The following SLC25A13 variants were observed in gnomAD, a reference collection of about 807,000 sequenced individuals.
The protein encoded by SLC25A13 is electrogenic aspartate/glutamate antiporter SLC25A13, mitochondrial.
A neutral mutation model predicts 85.5 loss-of-function variants in SLC25A13; 70 were observed. The ratio of observed to expected loss-of-function variants is 0.82; its 90% confidence interval spans 0.68 to 1.00. The LOEUF (loss-of-function observed/expected upper bound fraction) is 1.00. SLC25A13 is among the 50% of genes least tolerant of loss of function. The pLI is 0.00. For synonymous variants in SLC25A13, 259 were observed against 288.7 expected, an observed-to-expected ratio of 0.90 and a Z score of 1.04; for missense variants, 765 against 819.8, an observed-to-expected ratio of 0.93 and a Z score of 0.82.
chr7:96,148,532 C>T (rs1219802970), intron 13 of SLC25A13, among the ~76,000 whole-genome samples: 1 of 152,174 alleles, frequency 6.6e-6, no homozygotes, highest in Admixed American at 6.5e-5. Flanking sequence ...AGGATTTTCT[C>T]TGTGTTTCTG....
At chr7:96,315,384 AG>A (rs1481715751) in intron 1 of SLC25A13, among the ~76,000 whole-genome samples, 4 of 152,190 alleles carry the variant, frequency 2.6e-5, no homozygotes, top group Non-Finnish European at 4.4e-5. Flanking sequence ...TGATCTCTGG[AG>A]GGAGACCCAG....
chr7:96,206,580 G>A (rs1225506305), intron 5 of SLC25A13, among the ~76,000 whole-genome samples: 1 of 152,154 alleles, frequency 6.6e-6, no homozygotes, highest in Non-Finnish European at 1.5e-5. Context: ...TCTGGACTAG[G>A]ACACAAAAGC....
intron 6 of SLC25A13, among the ~76,000 whole-genome samples, chr7:96,192,677 G>A (rs990539105): frequency 3.6e-5 from 3 of 83,602 alleles, no homozygotes; most frequent in Non-Finnish European, 7.5e-5. Flanking sequence ...TGATATACAT[G>A]TGCACTATTT....
At chr7:96,123,478 T>C (rs1791598766) in intron 15 of SLC25A13, among the ~76,000 whole-genome samples, 1 of 152,176 alleles carries the variant, frequency 6.6e-6, no homozygotes, top group Admixed American at 6.5e-5. Flanking sequence ...AAGTTCCCTT[T>C]GGCTAGGGTA....
intron 13 of SLC25A13, among the ~76,000 whole-genome samples, chr7:96,163,845 C>T (rs1205246450): frequency 6.6e-6 from 1 of 152,228 alleles, no homozygotes; most frequent in East Asian, 1.9e-4. Flanking sequence ...TATTCCATTC[C>T]CCTTCACCCA....
chr7:96,138,464 T>C (rs1430945192), intron 14 of SLC25A13, among the ~76,000 whole-genome samples: 5 of 151,536 alleles, frequency 3.3e-5, no homozygotes, highest in African/African-American at 1.2e-4. Context: ...GGTGCAATCA[T>C]GGCTCACTGC....
intron 3 of SLC25A13, 41 bp from the exon 4 acceptor site, chr7:96,234,958 G>A (rs2116816123): frequency 6.8e-7 from 1 of 1,476,626 alleles, no homozygotes; most frequent in East Asian, 2.3e-5. Context: ...TCAGTAGCTT[G>A]TGGAAAACAG....
At chr7:96,256,232 C>T (rs549887395) in intron 3 of SLC25A13, among the ~76,000 whole-genome samples, 1 of 151,936 alleles carries the variant, frequency 6.6e-6, no homozygotes. Context: ...ACAATATTAA[C>T]CTTAAACGGG....
chr7:96,271,699 T>A (rs770788964), intron 3 of SLC25A13, among the ~76,000 whole-genome samples: 1 of 152,098 alleles, frequency 6.6e-6, no homozygotes, highest in Non-Finnish European at 1.5e-5. Context: ...AATACACACA[T>A]TATGTTATAC....
Position 96,208,945 on chromosome 7 carries a change from T to C in SLC25A13, c.361A>G (p.Ile121Val), listed in dbSNP as rs1414446682. The change falls in exon 5 of 18, where the codon ATT (isoleucine) becomes GTT (valine). Residue 121 changes from isoleucine (I) to valine (V), a missense_variant. Coordinates refer to ENST00000265631, the MANE Select transcript of SLC25A13 (RefSeq NM_014251.3). ...CAGTTAAATGGAATATGTTGATGAA[T>C]TGTGGTCTGTCCAAAAACTTGCTTA... is the stretch of plus-strand genomic sequence containing the variant. ...DVKQVFGQTT[I>V]HQHIPFNWDS... 2.5e-6 allele frequency: 4 copies of C among 1,614,010 alleles called. No individual in the cohort carries two copies. The highest frequency in any genetic ancestry group is 1.1e-5 in the South Asian group (1 of 91,084).
intron 14 of SLC25A13, among the ~76,000 whole-genome samples, chr7:96,141,650 G>C (rs1266308741): frequency 1.3e-5 from 2 of 152,078 alleles, no homozygotes; most frequent in Non-Finnish European, 2.9e-5. Context: ...CATGTCCCTG[G>C]GTATCAGAAA....
chr7:96,233,814 A>G (rs146595304), intron 4 of SLC25A13, among the ~76,000 whole-genome samples: 29 of 152,340 alleles, frequency 1.9e-4, no homozygotes, highest in African/African-American at 7.0e-4. Context: ...CAAATAAGAC[A>G]AGTCCCAAAG....
chr7:96,208,738 C>A, intron 5 of SLC25A13, 100 bp downstream of exon 5: 1 of 1,354,264 alleles, frequency 7.4e-7, no homozygotes, highest in South Asian at 1.2e-5. Context: ...ATCTCCTGAC[C>A]TCGTCATCCG....
intron 13 of SLC25A13, among the ~76,000 whole-genome samples, chr7:96,168,128 A>AAAAAAAAAAAAAAAAAAAC (rs1793844801): frequency 6.9e-6 from 1 of 145,802 alleles, no homozygotes; most frequent in Non-Finnish European, 1.5e-5. Context: ...AAAAAAAAAA[A>AAAAAAAAAAAAAAAAAAAC]AGCACGTGTG....
chr7:96,283,678 C>G, intron 2 of SLC25A13: 1 of 293,454 alleles, frequency 3.4e-6, no homozygotes, highest in South Asian at 3.5e-5. Flanking sequence ...TCCTGAAATG[C>G]ATGAAGAAAA....
In SLC25A13 at chr7:96,134,627, G is replaced by C. The variant is rs971620761; in HGVS notation, c.1453-2746C>G. 2.0e-5 allele frequency among the ~76,000 whole-genome samples: 3 copies of C among 151,668 alleles called. No homozygotes were observed. In the East Asian group the frequency reaches 5.9e-4, roughly 30 times the overall value. On this transcript the variant is annotated intron_variant, in intron 14 of 17. Transcript: ENST00000265631. The stretch of plus-strand genomic sequence containing the variant: ...ACCCACTGAGTGTTCCACCTTCTGA[G>C]AACCTCCTTCTTCTTCCTTTCCTGA...
chr7:96,203,546 G>A (rs1264344491), intron 5 of SLC25A13, among the ~76,000 whole-genome samples: 1 of 152,120 alleles, frequency 6.6e-6, no homozygotes, highest in Non-Finnish European at 1.5e-5. Context: ...GTGACTGTAA[G>A]GACAAATATT....
At chr7:96,188,862 C>T (rs564904237) in intron 9 of SLC25A13, among the ~76,000 whole-genome samples, 16 of 152,270 alleles carry the variant, frequency 1.1e-4, no homozygotes, top group Non-Finnish European at 1.2e-4. Context: ...TTCAGAAAAA[C>T]GGAAGGCATG....
At chr7:96,256,581 G>T (rs199932042) in intron 3 of SLC25A13, among the ~76,000 whole-genome samples, 1 of 152,056 alleles carries the variant, frequency 6.6e-6, no homozygotes, top group Non-Finnish European at 1.5e-5. Context: ...AGTTCTTAGA[G>T]ACCTACAAAG....
Sources: gnomAD v4.1 joint callset for allele counts (sites outside exome capture counted in the v4.1 genomes callset) on GRCh38, gnomAD v4.1.1 for gene constraint, MANE v1.5 for transcripts, NCBI Gene and HGNC (gene_info 2026-07-23, HGNC 2026-07-21) for gene names.